ARHGAP15: variants seen among roughly 807,000 people sequenced by gnomAD.
The protein encoded by ARHGAP15 is rho GTPase-activating protein 15.
In ARHGAP15, 51 loss-of-function variants were observed where a neutral mutation model predicts 63.7. The observed-to-expected ratio is 0.80, with a 90% CI of 0.64 to 1.01. ARHGAP15 has a LOEUF of 1.01. Ranked by LOEUF, ARHGAP15 falls within the 50% of genes least tolerant of loss-of-function variation. The probability of loss-of-function intolerance (pLI) is 0.00; values close to 1 mark genes in which losing one functional copy is unlikely to be tolerated. For missense variants in ARHGAP15, 560 were observed against 564.6 expected, an observed-to-expected ratio of 0.99 and a Z score of 0.08; for synonymous variants, 191 against 193.8, an observed-to-expected ratio of 0.99 and a Z score of 0.12.
At chr2:143,246,349 AGACT>A (rs980825382) in intron 5 of ARHGAP15, among the ~76,000 whole-genome samples, 4 of 152,014 alleles carry the variant, frequency 2.6e-5, no homozygotes, top group African/African-American at 7.2e-5. Context: ...TGGATTACAC[AGACT>A]AAGTATGAAA....
chr2:143,752,501 C>T (rs1384462139), intron 13 of ARHGAP15, among the ~76,000 whole-genome samples: 2 of 152,212 alleles, frequency 1.3e-5, no homozygotes, highest in East Asian at 3.9e-4. Flanking sequence ...CTGCATTCCA[C>T]CTGCCACCAT....
intron 6 of ARHGAP15, among the ~76,000 whole-genome samples, chr2:143,416,811 T>TC: frequency 1.2e-5 from 1 of 82,554 alleles, no homozygotes; most frequent in Non-Finnish European, 2.4e-5. Context: ...TGCCTGCCAC[T>TC]TCCCCCACCA....
At chr2:143,470,633 GTGTATATATGTGTGTGTATATATATACA>G (rs1159648544) in intron 8 of ARHGAP15, among the ~76,000 whole-genome samples, 1 of 133,206 alleles carries the variant, frequency 7.5e-6, no homozygotes, top group Non-Finnish European at 1.6e-5. Context: ...ATACATATGT[GTGTATATATGTGTGTGTATATATATACA>G]TGTATATATG....
In ARHGAP15 at chr2:143,487,368, T is replaced by G; in HGVS notation, c.704-5T>G. The G allele has an allele frequency of 6.3e-7, 1 of 1,594,726 alleles. No homozygotes were observed. The highest frequency in any genetic ancestry group is 1.4e-5 in the African/African-American group (1 of 73,650). ...CAAAAGCCTCTGATTTTTTTAAATC[T>G]TCAGTGTTCAGACTGCATCACAGTG... is the stretch of plus-strand genomic sequence containing the variant. On this transcript the variant is annotated splice_polypyrimidine_tract_variant and splice_region_variant and intron_variant, in intron 8 of 13. Transcript: ENST00000295095.
intron 12 of ARHGAP15, among the ~76,000 whole-genome samples, chr2:143,626,576 G>T (rs937725171): frequency 6.6e-6 from 1 of 152,130 alleles, no homozygotes; most frequent in Non-Finnish European, 1.5e-5. Context: ...ACCCCTGCTG[G>T]CTGGGGTGGC....
At chr2:143,634,375 T>A (rs1286375848) in intron 12 of ARHGAP15, among the ~76,000 whole-genome samples, 1 of 152,134 alleles carries the variant, frequency 6.6e-6, no homozygotes, top group African/African-American at 2.4e-5. Flanking sequence ...CTAGAGCAAA[T>A]ATTTAATCTC....
At chr2:143,683,282 G>A (rs879695805) in intron 12 of ARHGAP15, among the ~76,000 whole-genome samples, 3 of 152,104 alleles carry the variant, frequency 2.0e-5, no homozygotes, top group Non-Finnish European at 2.9e-5. Flanking sequence ...AGCAAATGGG[G>A]ATTTGATGAG....
chr2:143,220,793 G>A (rs16858895), intron 4 of ARHGAP15, among the ~76,000 whole-genome samples: 25,987 of 151,926 alleles, frequency 0.17, 2,430 homozygotes, highest in Middle Eastern at 0.24. Context: ...AAGGACCTTT[G>A]TATCTTTTAT....
intron 12 of ARHGAP15, chr2:143,641,126 C>T (rs1680577426): frequency 6.6e-6 from 1 of 152,128 alleles, no homozygotes; most frequent in Non-Finnish European, 1.5e-5. Flanking sequence ...TCACTTTTGA[C>T]ATAAGAGGGT....
intron 13 of ARHGAP15, among the ~76,000 whole-genome samples, chr2:143,715,128 G>T (rs1452555879): frequency 6.6e-6 from 1 of 152,188 alleles, no homozygotes; most frequent in Admixed American, 6.5e-5. Context: ...CATGGCTGGG[G>T]AGGCCTCAGA....
At chr2:143,455,984 A>G (rs933519984) in intron 8 of ARHGAP15, among the ~76,000 whole-genome samples, 1 of 152,050 alleles carries the variant, frequency 6.6e-6, no homozygotes, top group Non-Finnish European at 1.5e-5. Context: ...GAGACCTGCC[A>G]TTAGGAAGCA....
At chr2:143,767,637 T>A (rs2072968131) in intron 13 of ARHGAP15, among the ~76,000 whole-genome samples, 1 of 152,222 alleles carries the variant, frequency 6.6e-6, no homozygotes, top group Non-Finnish European at 1.5e-5. Context: ...ATATATTTTT[T>A]TGCATGCCTC....
chr2:143,609,694 T>C (rs1488536021), intron 11 of ARHGAP15, among the ~76,000 whole-genome samples: 1 of 152,094 alleles, frequency 6.6e-6, no homozygotes, highest in Non-Finnish European at 1.5e-5. Flanking sequence ...CCCCCCCACC[T>C]CATACCCATT....
chr2:143,288,109 T>C (rs13426605), intron 6 of ARHGAP15, among the ~76,000 whole-genome samples: 32,621 of 152,144 alleles, frequency 0.21, 4,378 homozygotes, highest in African/African-American at 0.37. Context: ...GCAGGACCAG[T>C]GCAAGCCCAT....
At chr2:143,343,430 T>G (rs577351098) in intron 6 of ARHGAP15, among the ~76,000 whole-genome samples, 1 of 151,946 alleles carries the variant, frequency 6.6e-6, no homozygotes, top group South Asian at 2.1e-4. Flanking sequence ...AGAAAACAGG[T>G]AGAGATTGGA....
At chr2:143,694,570 A>G (rs1456194502) in intron 12 of ARHGAP15, among the ~76,000 whole-genome samples, 1 of 152,216 alleles carries the variant, frequency 6.6e-6, no homozygotes, top group Non-Finnish European at 1.5e-5. Flanking sequence ...TATCACTCCC[A>G]GTTCAGAAAT....
At chr2:143,261,711 G>C (rs570420285) in intron 6 of ARHGAP15, among the ~76,000 whole-genome samples, 1 of 152,054 alleles carries the variant, frequency 6.6e-6, no homozygotes, top group Non-Finnish European at 1.5e-5. Flanking sequence ...CATCATATTT[G>C]CCTTCTGGCT....
chr2:143,645,369 T>A (rs1365972478), intron 12 of ARHGAP15, among the ~76,000 whole-genome samples: 1 of 152,072 alleles, frequency 6.6e-6, no homozygotes. Flanking sequence ...CTGATTAACA[T>A]GTAGGGTCAG....
intron 6 of ARHGAP15, among the ~76,000 whole-genome samples, chr2:143,267,705 T>C (rs1466485079): frequency 1.3e-5 from 2 of 152,212 alleles, no homozygotes; most frequent in African/African-American, 4.8e-5. Context: ...CACAGATATT[T>C]GTATACCATT....
Sources: allele counts gnomAD v4.1 joint callset (sites outside exome capture counted in the v4.1 genomes callset), GRCh38; gene constraint gnomAD v4.1.1; transcripts MANE v1.5; gene names NCBI Gene and HGNC (gene_info 2026-07-23, HGNC 2026-07-21).